DSCAM: variants seen among roughly 807,000 people sequenced by gnomAD.
DSCAM encodes the protein DS cell adhesion molecule.
Under a neutral mutation model 217.7 loss-of-function variants are expected in DSCAM, and 47 were observed. That is an observed-to-expected ratio of 0.22 (90% confidence interval 0.17 to 0.28). The LOEUF (loss-of-function observed/expected upper bound fraction) is 0.28, where lower values mean the gene tolerates loss of function less well. DSCAM is among the 10% of genes least tolerant of loss of function. The pLI, the probability that DSCAM is intolerant of heterozygous loss-of-function variation, is 1.00. For synonymous variants in DSCAM, 1,056 were observed against 1,015.3 expected, an observed-to-expected ratio of 1.04 and a Z score of -0.76; for missense variants, 2,080 against 2,618.3, an observed-to-expected ratio of 0.79 and a Z score of 4.49.
chr21:40,300,942 G>C (rs1011749287), intron 9 of DSCAM, among the ~76,000 whole-genome samples: 1 of 152,204 alleles, frequency 6.6e-6, no homozygotes, highest in African/African-American at 2.4e-5. Flanking sequence ...CTCCCAGTAG[G>C]AATGAGCTCC....
At chr21:40,267,888 C>T (rs2073561461) in intron 11 of DSCAM, among the ~76,000 whole-genome samples, 2 of 149,084 alleles carry the variant, frequency 1.3e-5, no homozygotes, top group South Asian at 2.1e-4. Context: ...AAGAGAGAAA[C>T]TCCACCTCAA....
rs559241932 is a variant in DSCAM at position 40,113,328 on chromosome 21, T to C, written c.3696+10867A>G. Among the ~76,000 whole-genome samples the C allele has an allele frequency of 5.9e-5, 9 of 152,222 alleles. No homozygotes were observed. In the South Asian group the frequency reaches 1.7e-3, roughly 28 times the overall value. On this transcript the variant is annotated intron_variant, in intron 20 of 32. Transcript: ENST00000400454. Reference sequence around the variant, plus strand: ...GACAAAAACCACATGATTATCTCAATAGATGCAGAAAAGGCCTTTGACAAA... The same window carrying C: ...GACAAAAACCACATGATTATCTCAACAGATGCAGAAAAGGCCTTTGACAAA...
intron 3 of DSCAM, among the ~76,000 whole-genome samples, chr21:40,620,164 GAGAGAGAGAA>G (rs1488937798): frequency 1.2e-5 from 1 of 83,008 alleles, no homozygotes; most frequent in African/African-American, 5.6e-5. Context: ...AAGAAAGAAA[GAGAGAGAGAA>G]AGAGAGAGAA....
Position 40,538,780 on chromosome 21 carries a change from A to T in DSCAM, c.508+154030T>A, listed in dbSNP as rs552339338. On this transcript the variant is annotated intron_variant, in intron 3 of 32. Coordinates refer to ENST00000400454, the MANE Select transcript of DSCAM (RefSeq NM_001389.5). The stretch of plus-strand genomic sequence containing the variant: ...GAATTGCTTGATGAGACTGGGGAAC[A>T]TGGAGCACAAGGGAGGGGAAGGAGG... Among the ~76,000 whole-genome samples, 17 of 152,240 alleles carry T rather than the reference A, an allele frequency of 1.1e-4. No individual in the cohort carries two copies. In the South Asian group the frequency reaches 3.5e-3, roughly 32 times the overall value.
chr21:40,598,030 T>G (rs2077034876), intron 3 of DSCAM, among the ~76,000 whole-genome samples: 1 of 152,212 alleles, frequency 6.6e-6, no homozygotes, highest in Admixed American at 6.5e-5. Flanking sequence ...TATAATGTCA[T>G]GTATTCACCA....
At chr21:40,231,382 A>T (rs182801881) in intron 11 of DSCAM, among the ~76,000 whole-genome samples, 1 of 152,022 alleles carries the variant, frequency 6.6e-6, no homozygotes, top group Admixed American at 6.5e-5. Flanking sequence ...AGGTAAGCCA[A>T]TCTCTGTTGT....
chr21:40,784,289 C>A (rs961909005), intron 1 of DSCAM, among the ~76,000 whole-genome samples: 2 of 152,040 alleles, frequency 1.3e-5, no homozygotes, highest in African/African-American at 4.8e-5. Flanking sequence ...CTTACAAGAT[C>A]TCATGGTTTT....
intron 3 of DSCAM, among the ~76,000 whole-genome samples, chr21:40,642,042 C>CA (rs67361149): frequency 0.32 from 27,799 of 87,546 alleles, 3,284 homozygotes; most frequent in Admixed American, 0.38. Context: ...GACTCTGTCT[C>CA]AAAAAAAAAA....
At chr21:40,527,517 C>A (rs2076409690) in intron 3 of DSCAM, among the ~76,000 whole-genome samples, 1 of 152,198 alleles carries the variant, frequency 6.6e-6, no homozygotes. Context: ...TAACACATAG[C>A]TGGCAACCAA....
intron 1 of DSCAM, among the ~76,000 whole-genome samples, chr21:40,820,160 CAT>C (rs1399461007): frequency 6.6e-6 from 1 of 152,128 alleles, no homozygotes; most frequent in East Asian, 1.9e-4. Flanking sequence ...CACATGCACA[CAT>C]ATGTTTATTA....
chr21:40,137,411 G>A (rs1393876595), intron 18 of DSCAM, among the ~76,000 whole-genome samples: 2 of 152,062 alleles, frequency 1.3e-5, no homozygotes, highest in African/African-American at 4.8e-5. Flanking sequence ...GTGAAGGAAG[G>A]CTATTTTCCT....
rs543323709 is a variant in DSCAM, at chr21:40,045,613, G to A, written c.5186-1338C>T. On this transcript the variant is annotated intron_variant, in intron 30 of 32. Transcript: ENST00000400454. ...TGAGAGAGGTTCAGTTACCTGGAATGATTTTTCTGGGGCTCCAGCCTGGAG... is the reference window on the plus strand; with the variant it reads ...TGAGAGAGGTTCAGTTACCTGGAATAATTTTTCTGGGGCTCCAGCCTGGAG... Among the ~76,000 whole-genome samples the A allele has an allele frequency of 3.3e-5, 5 of 152,332 alleles. No individual in the cohort carries two copies. In the East Asian group the frequency reaches 9.6e-4, roughly 29 times the overall value.
At chr21:40,182,222 GA>G (rs1186193097) in intron 14 of DSCAM, among the ~76,000 whole-genome samples, 4 of 152,182 alleles carry the variant, frequency 2.6e-5, no homozygotes, top group African/African-American at 9.7e-5. Flanking sequence ...CTGGGAGAGG[GA>G]GCGGGCCCTT....
At chr21:40,182,336 A>G (rs932923601) in intron 14 of DSCAM, among the ~76,000 whole-genome samples, 2 of 152,158 alleles carry the variant, frequency 1.3e-5, no homozygotes, top group East Asian at 2.0e-4. Flanking sequence ...TAGGGGTGGG[A>G]AGACCAAGAG....
chr21:40,244,453 GAAAAAAA>G (rs76692462), intron 11 of DSCAM, among the ~76,000 whole-genome samples: 101 of 99,890 alleles, frequency 1.0e-3, no homozygotes, highest in African/African-American at 2.8e-3. Context: ...TCCGTCTCCG[GAAAAAAA>G]AAAAAAAAAA....
At chr21:40,362,699 T>A (rs942533869) in intron 4 of DSCAM, among the ~76,000 whole-genome samples, 1 of 152,152 alleles carries the variant, frequency 6.6e-6, no homozygotes, top group African/African-American at 2.4e-5. Flanking sequence ...GACAATACAT[T>A]TAGTGGTTGT....
rs1245751383 is a variant in DSCAM, at chr21:40,433,614, T to G, written c.509-64369A>C. On this transcript the variant is annotated intron_variant, in intron 3 of 32. Coordinates refer to ENST00000400454, the MANE Select transcript of DSCAM (RefSeq NM_001389.5). The stretch of plus-strand genomic sequence containing the variant: ...GAGGTAGGATTTATTTTTTTCTATC[T>G]CTCTTCCAGTTTAGGGAAATGGCTA... Among the ~76,000 whole-genome samples, 3 of 152,210 alleles carry G rather than the reference T, an allele frequency of 2.0e-5. No individual in the cohort carries two copies. In the East Asian group the frequency reaches 5.8e-4, roughly 29 times the overall value.
chr21:40,841,638 TCAG>T (rs1423596464), intron 1 of DSCAM, among the ~76,000 whole-genome samples: 5 of 152,030 alleles, frequency 3.3e-5, no homozygotes, highest in African/African-American at 1.2e-4. Flanking sequence ...AGCGGGCACG[TCAG>T]CATCACCCCT....
intron 19 of DSCAM, among the ~76,000 whole-genome samples, chr21:40,125,886 C>T (rs1401466333): frequency 1.3e-5 from 2 of 152,160 alleles, no homozygotes; most frequent in African/African-American, 4.8e-5. Context: ...CCCAGCTTAG[C>T]CAACACTCTC....
Sources: allele counts gnomAD v4.1 joint callset (sites outside exome capture counted in the v4.1 genomes callset), GRCh38; gene constraint gnomAD v4.1.1; transcripts MANE v1.5; gene names NCBI Gene and HGNC (gene_info 2026-07-23, HGNC 2026-07-21).